Variants in MSRA observed in about 807,000 individuals in gnomAD.
MSRA encodes the protein mitochondrial peptide methionine sulfoxide reductase.
Under a neutral mutation model 31.3 loss-of-function variants are expected in MSRA, and 54 were observed. The ratio of observed to expected loss-of-function variants is 1.73; its 90% confidence interval spans 1.39 to 2.17. The LOEUF (loss-of-function observed/expected upper bound fraction) is 2.17. Ranked by LOEUF, MSRA falls within the 30% of genes most tolerant of loss-of-function variation. The probability of loss-of-function intolerance (pLI) is 0.00; values close to 1 mark genes in which losing one functional copy is unlikely to be tolerated. For missense variants in MSRA, 507 were observed against 300.9 expected, an observed-to-expected ratio of 1.69 and a Z score of -5.07; for synonymous variants, 169 against 116.5, an observed-to-expected ratio of 1.45 and a Z score of -2.90.
At chr8:10,259,000 G>A (rs1002293178) in intron 3 of MSRA, among the ~76,000 whole-genome samples, 1 of 152,030 alleles carries the variant, frequency 6.6e-6, no homozygotes, top group South Asian at 2.1e-4. Context: ...CCAGCTACTT[G>A]GGAGGCTGAG....
Position 10,054,477 on chromosome 8 carries a change from G to A in MSRA, c.-40G>A, listed in dbSNP as rs1214008981. On this transcript the variant is annotated 5_prime_UTR_variant, in exon 1 of 6. Coordinates refer to ENST00000317173, the MANE Select transcript of MSRA (RefSeq NM_012331.5). ...TCCGGCTGCGGCTCCGCTGCCGGTA[G>A]CGCCGTCCCCCGGGACCACCCTTCG... is the stretch of plus-strand genomic sequence containing the variant. The A allele has an allele frequency of 6.5e-7, 1 of 1,543,456 alleles. No homozygotes were observed. The highest frequency in any genetic ancestry group is 8.7e-7 in the Non-Finnish European group (1 of 1,145,576).
chr8:10,404,894 A>G (rs1241492194), intron 5 of MSRA, among the ~76,000 whole-genome samples: 1 of 152,118 alleles, frequency 6.6e-6, no homozygotes, highest in Non-Finnish European at 1.5e-5. Context: ...GTGTGTGGTA[A>G]GCGGCACAGC....
intron 1 of MSRA, among the ~76,000 whole-genome samples, chr8:10,196,221 G>C (rs1395119998): frequency 6.6e-6 from 1 of 152,240 alleles, no homozygotes; most frequent in Non-Finnish European, 1.5e-5. Context: ...GTATACTGTG[G>C]AGCTTCTCTA....
chr8:10,238,146 C>G (rs941992099), intron 2 of MSRA, among the ~76,000 whole-genome samples: 2 of 152,168 alleles, frequency 1.3e-5, no homozygotes, highest in African/African-American at 4.8e-5. Context: ...CCTTCCTGCC[C>G]CTTAGAAATA....
chr8:10,197,401 G>A (rs964391865), intron 1 of MSRA, among the ~76,000 whole-genome samples: 7 of 152,176 alleles, frequency 4.6e-5, no homozygotes, highest in Admixed American at 2.6e-4. Flanking sequence ...GGTGCTTGCC[G>A]GAGATGCAGG....
intron 5 of MSRA, among the ~76,000 whole-genome samples, chr8:10,381,000 G>A (rs968944315): frequency 6.6e-6 from 1 of 152,014 alleles, no homozygotes; most frequent in Non-Finnish European, 1.5e-5. Flanking sequence ...GAGATGCATA[G>A]ATGGATGGGT....
chr8:10,138,692 A>T (rs2129029781), intron 1 of MSRA, among the ~76,000 whole-genome samples: 2 of 152,308 alleles, frequency 1.3e-5, no homozygotes, highest in East Asian at 3.9e-4. Context: ...TTCCTGAATC[A>T]TCCTTGGAAA....
chr8:10,414,954 A>G (rs1368118096), intron 5 of MSRA, among the ~76,000 whole-genome samples: 1 of 152,204 alleles, frequency 6.6e-6, no homozygotes, highest in Non-Finnish European at 1.5e-5. Flanking sequence ...GAAAGCCATG[A>G]AAAGAAAACT....
chr8:10,144,320 C>G (rs1245350056), intron 1 of MSRA, among the ~76,000 whole-genome samples: 2 of 152,188 alleles, frequency 1.3e-5, no homozygotes, highest in African/African-American at 4.8e-5. Flanking sequence ...GTGTTTGGCT[C>G]TGCCACCTCC....
intron 3 of MSRA, among the ~76,000 whole-genome samples, chr8:10,258,991 C>T (rs375453359): frequency 1.4e-4 from 21 of 152,108 alleles, no homozygotes; most frequent in African/African-American, 5.1e-4. Context: ...TCTGTAATCC[C>T]AGCTACTTGG....
At chr8:10,360,922 C>A (rs1234698808) in intron 5 of MSRA, among the ~76,000 whole-genome samples, 2 of 152,218 alleles carry the variant, frequency 1.3e-5, no homozygotes, top group African/African-American at 4.8e-5. Flanking sequence ...TTGGGCAAGC[C>A]TGTGACTCCC....
chr8:10,294,159 C>G (rs1440081891), intron 3 of MSRA, among the ~76,000 whole-genome samples: 1 of 152,150 alleles, frequency 6.6e-6, no homozygotes, highest in African/African-American at 2.4e-5. Flanking sequence ...CGAGATTGCA[C>G]CACTGCACTC....
intron 5 of MSRA, among the ~76,000 whole-genome samples, chr8:10,406,951 C>A (rs918647152): frequency 6.6e-6 from 1 of 152,216 alleles, no homozygotes; most frequent in African/African-American, 2.4e-5. Flanking sequence ...CTTCTGGGCT[C>A]CCTGTGGCCT....
chr8:10,121,409 G>A (rs12678797), intron 1 of MSRA, among the ~76,000 whole-genome samples: 76,371 of 151,992 alleles, frequency 0.5, 20,182 homozygotes, highest in East Asian at 0.95. Flanking sequence ...ACAACTGTGC[G>A]ACTTTCTTTT....
intron 3 of MSRA, among the ~76,000 whole-genome samples, chr8:10,287,904 C>G (rs1800023670): frequency 6.6e-6 from 1 of 152,146 alleles, no homozygotes. Flanking sequence ...TTGCTTCATC[C>G]TGGAGTTGCC....
chr8:10,111,831 T>C (rs1800311834), intron 1 of MSRA, among the ~76,000 whole-genome samples: 1 of 152,194 alleles, frequency 6.6e-6, no homozygotes, highest in Non-Finnish European at 1.5e-5. Context: ...CGCTGTCTCA[T>C]GTAGGTCTCA....
In MSRA at chr8:10,319,984, C is replaced by G. The variant is rs1801955881; in HGVS notation, c.538C>G (p.Gln180Glu). 1.3e-6 allele frequency: 2 copies of G among 1,596,830 alleles called. No individual in the cohort carries two copies. Among genetic ancestry groups the G allele is most frequent in the African/African-American group, 2.7e-5 (2 of 74,468 alleles). Residue 180 changes from glutamine (Q) to glutamate (E), a missense_variant, in exon 5 of 6, where the codon CAA (glutamine) becomes GAA (glutamate). Coordinates refer to ENST00000317173, the MANE Select transcript of MSRA (RefSeq NM_012331.5). ...AGCCCTGAGCTCCAAAGAGAACTAC[C>G]AAAAGGTAGGGATTGCTGGGCTCCT... ...EAALSSKENY[Q>E]KVLSEHGFGP... is the part of the protein sequence containing the mutation.
chr8:10,395,141 G>C (rs1176437080), intron 5 of MSRA, among the ~76,000 whole-genome samples: 1 of 152,188 alleles, frequency 6.6e-6, no homozygotes. Context: ...GGAAGCGTTG[G>C]AGCCTAGCTT....
At chr8:10,170,042 A>AT (rs59946635) in intron 1 of MSRA, among the ~76,000 whole-genome samples, 28,556 of 90,292 alleles carry the variant, frequency 0.32, 4,405 homozygotes, top group East Asian at 0.58. Context: ...CCTGGCTAAT[A>AT]TTTTTTTTTT....
Sources: allele counts gnomAD v4.1 joint callset (sites outside exome capture counted in the v4.1 genomes callset), GRCh38; gene constraint gnomAD v4.1.1; transcripts MANE v1.5; gene names NCBI Gene and HGNC (gene_info 2026-07-23, HGNC 2026-07-21).